The following LRMDA variants were observed in gnomAD, a reference collection of about 807,000 sequenced individuals.
LRMDA encodes leucine rich melanocyte differentiation associated.
A neutral mutation model predicts 29.8 loss-of-function variants in LRMDA; 18 were observed. That is an observed-to-expected ratio of 0.60 (90% CI 0.42 to 0.90). The LOEUF (loss-of-function observed/expected upper bound fraction) is 0.90, where lower values mean the gene tolerates loss of function less well. Ranked by LOEUF, LRMDA falls within the 40% of genes least tolerant of loss-of-function variation. The probability of loss-of-function intolerance (pLI) is 0.00; values close to 1 mark genes in which losing one functional copy is unlikely to be tolerated. For synonymous variants in LRMDA, 125 were observed against 109.4 expected (o/e 1.14, Z -0.89); for missense variants, 273 against 273.9 (o/e 1.00, Z 0.02).
chr10:76,065,687 T>G (rs1276386097), intron 5 of LRMDA, among the ~76,000 whole-genome samples: 1 of 152,254 alleles, frequency 6.6e-6, no homozygotes, highest in East Asian at 1.9e-4. Context: ...ACCCAACAAC[T>G]GGGAGAAGTG....
In LRMDA at chr10:76,338,839, A is replaced by G. The variant is rs113964391; in HGVS notation, c.601+14354A>G. Among the ~76,000 whole-genome samples the G allele has an allele frequency of 3.3e-4, 50 of 152,330 alleles. 1 individual carries two copies. In the South Asian group the frequency reaches 3.5e-3, roughly 11 times the overall value. ...AAAATCCAGGAAGAGCAATGTTAAT[A>G]TTAGACAAAATAAGACTCAAGATGA... is the stretch of plus-strand genomic sequence containing the variant. On this transcript the variant is annotated intron_variant, in intron 6 of 6. Coordinates refer to ENST00000611255, the MANE Select transcript of LRMDA (RefSeq NM_001305581.2).
chr10:76,372,697 G>A (rs570011480), intron 6 of LRMDA, among the ~76,000 whole-genome samples: 2 of 152,066 alleles, frequency 1.3e-5, no homozygotes, highest in East Asian at 3.9e-4. Context: ...AGTATATTCA[G>A]CATCTTTTTT....
intron 6 of LRMDA, among the ~76,000 whole-genome samples, chr10:76,425,656 A>C (rs1053797128): frequency 6.6e-6 from 1 of 151,460 alleles, no homozygotes; most frequent in Non-Finnish European, 1.5e-5. Context: ...ACAATGTTCA[A>C]GTTTGTTACA....
intron 6 of LRMDA, among the ~76,000 whole-genome samples, chr10:76,516,126 T>C (rs1462595173): frequency 6.6e-6 from 1 of 152,140 alleles, no homozygotes; most frequent in Non-Finnish European, 1.5e-5. Context: ...TGTCAAGATT[T>C]CCACAGGTTG....
At chr10:76,055,779 C>T (rs1255008694) in intron 4 of LRMDA, among the ~76,000 whole-genome samples, 2 of 152,248 alleles carry the variant, frequency 1.3e-5, no homozygotes, top group African/African-American at 2.4e-5. Context: ...AACCAGCTTC[C>T]ACTGCAGGCA....
chr10:76,306,784 C>T (rs1840561908), intron 5 of LRMDA, among the ~76,000 whole-genome samples: 1 of 152,200 alleles, frequency 6.6e-6, no homozygotes, highest in Admixed American at 6.5e-5. Context: ...CTTCCTCGTG[C>T]TACTCTTTTG....
At chr10:76,394,512 T>C (rs982175897) in intron 6 of LRMDA, among the ~76,000 whole-genome samples, 2 of 152,192 alleles carry the variant, frequency 1.3e-5, no homozygotes, top group African/African-American at 4.8e-5. Context: ...TGAAGAATCT[T>C]GCCTTGGTTT....
chr10:76,462,204 AT>A (rs369251117), intron 6 of LRMDA, among the ~76,000 whole-genome samples: 33 of 150,104 alleles, frequency 2.2e-4, no homozygotes, highest in East Asian at 1.6e-3. Context: ...CAGAATCTGC[AT>A]TTTTTTTTTC....
intron 2 of LRMDA, among the ~76,000 whole-genome samples, chr10:75,908,733 G>A (rs1299014001): frequency 6.6e-6 from 1 of 152,084 alleles, no homozygotes; most frequent in Non-Finnish European, 1.5e-5. Flanking sequence ...TGCTCCACGT[G>A]GGATCATGCG....
intron 2 of LRMDA, among the ~76,000 whole-genome samples, chr10:75,829,036 A>G (rs1022018787): frequency 5.3e-5 from 8 of 152,164 alleles, no homozygotes; most frequent in African/African-American, 1.9e-4. Context: ...TTTAGAAAAC[A>G]AGTGTTATCT....
chr10:75,668,281 T>A (rs1271458767), intron 2 of LRMDA, among the ~76,000 whole-genome samples: 1 of 152,148 alleles, frequency 6.6e-6, no homozygotes, highest in Non-Finnish European at 1.5e-5. Flanking sequence ...GGCTTAAGGT[T>A]TTTGTGATTC....
At chr10:75,977,552 A>G (rs7074867) in intron 2 of LRMDA, among the ~76,000 whole-genome samples, 3,996 of 152,310 alleles carry the variant, frequency 0.026, 153 homozygotes, top group African/African-American at 0.074. Context: ...AAATAAATAA[A>G]TAAACAGACA....
intron 2 of LRMDA, among the ~76,000 whole-genome samples, chr10:75,821,397 G>GAATTGA (rs1844154918): frequency 6.6e-6 from 1 of 152,290 alleles, no homozygotes; most frequent in East Asian, 1.9e-4. Flanking sequence ...TGCATGAACA[G>GAATTGA]AATTGAAAAC....
At chr10:76,337,170 G>A (rs886818065) in intron 6 of LRMDA, among the ~76,000 whole-genome samples, 3 of 152,118 alleles carry the variant, frequency 2.0e-5, no homozygotes, top group Non-Finnish European at 4.4e-5. Flanking sequence ...ATTCATTCAA[G>A]AGATATCTAT....
chr10:76,119,472 G>A (rs1339234148), intron 5 of LRMDA, among the ~76,000 whole-genome samples: 1 of 152,168 alleles, frequency 6.6e-6, no homozygotes. Context: ...GGTCCATATA[G>A]TATGTCAAGC....
intron 2 of LRMDA, among the ~76,000 whole-genome samples, chr10:76,016,041 T>C (rs1429748344): frequency 3.9e-5 from 6 of 152,214 alleles, no homozygotes; most frequent in Non-Finnish European, 7.3e-5. Context: ...TTTGTGACAG[T>C]TCTATTGTTA....
chr10:76,346,687 T>G (rs1193728061), intron 6 of LRMDA: 1 of 152,224 alleles, frequency 6.6e-6, no homozygotes, highest in Admixed American at 6.5e-5. Context: ...GTTTGTGATC[T>G]CATTTAATCC....
chr10:75,882,355 G>A (rs769386679), intron 2 of LRMDA, among the ~76,000 whole-genome samples: 1 of 152,054 alleles, frequency 6.6e-6, no homozygotes, highest in Non-Finnish European at 1.5e-5. Context: ...CAATTCTGGG[G>A]ACCTATATTG....
intron 5 of LRMDA, among the ~76,000 whole-genome samples, chr10:76,098,968 C>G (rs1475416282): frequency 6.6e-6 from 1 of 152,170 alleles, no homozygotes; most frequent in Admixed American, 6.5e-5. Context: ...GTTTATCAAT[C>G]TGGATGGTGC....
Sources: allele counts gnomAD v4.1 joint callset (sites outside exome capture counted in the v4.1 genomes callset), GRCh38; gene constraint gnomAD v4.1.1; transcripts MANE v1.5; gene names NCBI Gene and HGNC (gene_info 2026-07-23, HGNC 2026-07-21).